The following CAPG variants were observed in gnomAD, a reference collection of about 807,000 sequenced individuals.
CAPG encodes capping actin protein, gelsolin like, also known as macrophage-capping protein.
CAPG carries 32 observed loss-of-function variants against 44.6 expected under a neutral mutation model. The observed-to-expected ratio is 0.72, with a 90% CI of 0.54 to 0.96. CAPG has a LOEUF of 0.96. CAPG is among the 50% of genes least tolerant of loss of function. The probability of loss-of-function intolerance (pLI) is 0.00; values close to 1 mark genes in which losing one functional copy is unlikely to be tolerated. For synonymous variants in CAPG, 175 were observed against 179.6 expected, an observed-to-expected ratio of 0.97 and a Z score of 0.20; for missense variants, 412 against 438.3, an observed-to-expected ratio of 0.94 and a Z score of 0.54.
At chr2:85,405,535 C>G (rs749902250) in intron 1 of CAPG, among the ~76,000 whole-genome samples, 8 of 151,914 alleles carry the variant, frequency 5.3e-5, no homozygotes, top group South Asian at 2.1e-4. Flanking sequence ...CAATATTTCG[C>G]AGGGGCCAGG....
intron 1 of CAPG, among the ~76,000 whole-genome samples, chr2:85,407,316 T>G (rs988355169): frequency 1.3e-5 from 2 of 152,290 alleles, no homozygotes; most frequent in Middle Eastern, 3.4e-3. Flanking sequence ...TCACCCATAT[T>G]TTGAACATAT....
At chr2:85,403,886 C>CAAA (rs36054381) in intron 1 of CAPG, among the ~76,000 whole-genome samples, 8 of 69,774 alleles carry the variant, frequency 1.1e-4, no homozygotes, top group Non-Finnish European at 1.6e-4. Flanking sequence ...GACTCCATCT[C>CAAA]AAAAAAAAAA....
At chr2:85,398,251 G>T in intron 7 of CAPG, 99 bp from the exon 8 acceptor site, 1 of 1,380,422 alleles carries the variant, frequency 7.2e-7, no homozygotes, top group Non-Finnish European at 1.0e-6. Context: ...CCCTCCCACT[G>T]TGCCTCGCTG....
At chr2:85,399,821 A>C (rs1306551874) in intron 5 of CAPG, among the ~76,000 whole-genome samples, 1 of 146,782 alleles carries the variant, frequency 6.8e-6, no homozygotes, top group Non-Finnish European at 1.5e-5. Context: ...AGCTCACCGC[A>C]ACCTCCACCT....
At chr2:85,413,110 A>C (rs1687466583), upstream of CAPG, 1 of 152,236 alleles carries the variant, frequency 6.6e-6, no homozygotes, top group Non-Finnish European at 1.5e-5. Flanking sequence ...AGCGCTGGAA[A>C]GCTTCATAGA....
chr2:85,394,509 G>T (rs1372631771), downstream of CAPG, among the ~76,000 whole-genome samples: 3 of 152,248 alleles, frequency 2.0e-5, no homozygotes, highest in Non-Finnish European at 2.9e-5. Context: ...CCTTCTCCCT[G>T]TTGGGAATGT....
At chr2:85,397,508 A>G (rs1362283067) in intron 8 of CAPG, among the ~76,000 whole-genome samples, 5 of 151,950 alleles carry the variant, frequency 3.3e-5, no homozygotes, top group Non-Finnish European at 5.9e-5. Context: ...CAGAAGTTCG[A>G]GACCAGCCTG....
chr2:85,403,369 C>A (rs1400615245), intron 1 of CAPG, among the ~76,000 whole-genome samples: 1 of 152,072 alleles, frequency 6.6e-6, no homozygotes, highest in Non-Finnish European at 1.5e-5. Context: ...AACTCGTTCC[C>A]CCGCCAAAAA....
chr2:85,416,521 C>CT (rs2104867185), intron 1 of CAPG, among the ~76,000 whole-genome samples: 1 of 150,556 alleles, frequency 6.6e-6, no homozygotes, highest in Admixed American at 6.6e-5. Flanking sequence ...CTTTTTTTTT[C>CT]TTTTTTCGAG....
At position 85,399,301 on chromosome 2, in the gene CAPG, A is replaced by G. The variant is rs752001076; in HGVS notation, c.517-16T>C. The G allele has an allele frequency of 6.2e-6, 10 of 1,613,300 alleles. 1 individual carries two copies. The highest frequency in any genetic ancestry group is 5.5e-5 in the South Asian group (5 of 90,938). On this transcript the variant is annotated splice_polypyrimidine_tract_variant and intron_variant, in intron 5 of 9. Transcript: ENST00000263867. Reference sequence around the variant, plus strand: ...CGAAGATGTTCTGCAAGGAAGCAGGAAAGTCCGGGTCAGAGCCAGATGCCT... The same window carrying G: ...CGAAGATGTTCTGCAAGGAAGCAGGGAAGTCCGGGTCAGAGCCAGATGCCT...
chr2:85,417,430 C>CTAGTG (rs1197699069), intron 1 of CAPG, among the ~76,000 whole-genome samples: 1 of 151,090 alleles, frequency 6.6e-6, no homozygotes, highest in Non-Finnish European at 1.5e-5. Context: ...TCACCGCATG[C>CTAGTG]TAGTGCCAGT....
downstream of CAPG, among the ~76,000 whole-genome samples, chr2:85,392,544 T>A (rs1392720875): frequency 1.3e-5 from 2 of 152,084 alleles, no homozygotes; most frequent in Admixed American, 1.3e-4. Flanking sequence ...CCTCTTTAAG[T>A]CTGACCCACT....
chr2:85,406,353 C>CT (rs1687153869), intron 1 of CAPG, among the ~76,000 whole-genome samples: 1 of 152,248 alleles, frequency 6.6e-6, no homozygotes, highest in Admixed American at 6.5e-5. Context: ...CTTGGCCAAA[C>CT]TTTAACTAGG....
intron 8 of CAPG, among the ~76,000 whole-genome samples, chr2:85,396,757 C>T (rs557883354): frequency 2.1e-4 from 32 of 152,274 alleles, no homozygotes; most frequent in African/African-American, 7.5e-4. Context: ...ACGCCTCTCG[C>T]TTTCCACTCT....
At chr2:85,414,233 C>A (rs142663452), upstream of CAPG, among the ~76,000 whole-genome samples, 4 of 152,338 alleles carry the variant, frequency 2.6e-5, no homozygotes, top group East Asian at 7.7e-4. Context: ...GCAGTGTTCA[C>A]TTCCATTCAA....
intron 1 of CAPG, among the ~76,000 whole-genome samples, chr2:85,416,893 C>G (rs1362398680): frequency 1.3e-5 from 2 of 152,210 alleles, no homozygotes; most frequent in Non-Finnish European, 2.9e-5. Context: ...TCTGGATCAC[C>G]TCACAGGCCC....
intron 1 of CAPG, among the ~76,000 whole-genome samples, chr2:85,407,178 C>T (rs1219415904): frequency 6.6e-6 from 1 of 152,058 alleles, no homozygotes; most frequent in Non-Finnish European, 1.5e-5. Flanking sequence ...TGATTGCCCA[C>T]CTTGGCTTCC....
chr2:85,402,030 C>T, intron 2 of CAPG, 73 bp from the exon 3 acceptor site: 1 of 1,611,308 alleles, frequency 6.2e-7, no homozygotes, highest in Non-Finnish European at 8.5e-7. Context: ...GGCCTGGCGA[C>T]TGCAGTCTGG....
At chr2:85,409,172 T>C (rs1305302453) in intron 1 of CAPG, among the ~76,000 whole-genome samples, 1 of 152,214 alleles carries the variant, frequency 6.6e-6, no homozygotes, top group Non-Finnish European at 1.5e-5. Context: ...ATGCATTTGA[T>C]TAACTGGACC....
Sources: gnomAD v4.1 joint callset for allele counts (sites outside exome capture counted in the v4.1 genomes callset) on GRCh38, gnomAD v4.1.1 for gene constraint, MANE v1.5 for transcripts, NCBI Gene and HGNC (gene_info 2026-07-23, HGNC 2026-07-21) for gene names.